Variants in PRLR observed in about 807,000 individuals in gnomAD.
The protein encoded by PRLR is hPRL receptor.
A neutral mutation model predicts 40.2 loss-of-function variants in PRLR; 13 were observed. The ratio of observed to expected loss-of-function variants is 0.32; its 90% CI spans 0.21 to 0.51. The LOEUF (loss-of-function observed/expected upper bound fraction) is 0.51, where lower values mean the gene tolerates loss of function less well. Ranked by LOEUF, PRLR falls within the 20% of genes least tolerant of loss-of-function variation. PRLR has a pLI of 0.97. For missense variants in PRLR, 656 were observed against 747.3 expected (o/e 0.88, Z 1.42); for synonymous variants, 269 against 278.7 (o/e 0.97, Z 0.35).
chr5:35,195,038 A>T (rs1775700170), intron 1 of PRLR: 1 of 152,144 alleles, frequency 6.6e-6, no homozygotes, highest in African/African-American at 2.4e-5. Context: ...TTTCTGTTCA[A>T]TTTTTCTGTA....
At chr5:35,091,099 A>C (rs889811680) in intron 2 of PRLR, among the ~76,000 whole-genome samples, 4 of 152,100 alleles carry the variant, frequency 2.6e-5, no homozygotes, top group Non-Finnish European at 4.4e-5. Flanking sequence ...GGCGTGAGCC[A>C]CCGTGCCCGG....
At chr5:35,190,155 T>C (rs1418148665) in intron 1 of PRLR, among the ~76,000 whole-genome samples, 1 of 152,168 alleles carries the variant, frequency 6.6e-6, no homozygotes, top group Non-Finnish European at 1.5e-5. Context: ...TACTTTGTTA[T>C]GGCAGCCCCA....
intron 1 of PRLR, among the ~76,000 whole-genome samples, chr5:35,223,641 TA>T (rs1300111841): frequency 6.6e-6 from 1 of 152,244 alleles, no homozygotes; most frequent in Non-Finnish European, 1.5e-5. Context: ...TTGTCTTTCT[TA>T]ATATACCTTA....
exon 9 of PRLR, chr5:35,048,957 A>G (rs1768378536): frequency 2.1e-5 from 8 of 384,512 alleles, no homozygotes; most frequent in Middle Eastern, 9.0e-4. Context: ...AAGGGAGACA[A>G]CTGACTTGGC....
chr5:35,137,039 A>G (rs1773880204), intron 1 of PRLR, among the ~76,000 whole-genome samples: 1 of 152,190 alleles, frequency 6.6e-6, no homozygotes, highest in Admixed American at 6.5e-5. Context: ...AGAAAAAGTG[A>G]TGCTTCAATA....
intron 1 of PRLR, among the ~76,000 whole-genome samples, chr5:35,179,011 T>C (rs1775220040): frequency 6.6e-6 from 1 of 152,162 alleles, no homozygotes; most frequent in African/African-American, 2.4e-5. Context: ...TTCCTTAACA[T>C]AAATTCTTTT....
At chr5:35,161,920 G>A (rs1309208494) in intron 1 of PRLR, among the ~76,000 whole-genome samples, 1 of 152,164 alleles carries the variant, frequency 6.6e-6, no homozygotes, top group African/African-American at 2.4e-5. Context: ...TTTTCCAAAA[G>A]TCTTGTGAGA....
At chr5:35,104,764 G>A (rs954495871) in intron 2 of PRLR, among the ~76,000 whole-genome samples, 4 of 151,966 alleles carry the variant, frequency 2.6e-5, no homozygotes, top group Non-Finnish European at 5.9e-5. Flanking sequence ...AAGGACGCCT[G>A]CCTGTCTCTG....
intron 6 of PRLR, among the ~76,000 whole-genome samples, chr5:35,070,707 G>A (rs1769692718): frequency 6.6e-6 from 1 of 151,906 alleles, no homozygotes; most frequent in Non-Finnish European, 1.5e-5. Context: ...GCCAGGCATG[G>A]TGGCACATGC....
At chr5:35,137,793 G>A (rs2111808005) in intron 1 of PRLR, among the ~76,000 whole-genome samples, 1 of 152,264 alleles carries the variant, frequency 6.6e-6, no homozygotes, top group Non-Finnish European at 1.5e-5. Context: ...ATATTAACGT[G>A]TTAAAATATT....
intron 1 of PRLR, among the ~76,000 whole-genome samples, chr5:35,206,293 G>A (rs1257848136): frequency 1.3e-5 from 2 of 151,984 alleles, no homozygotes; most frequent in East Asian, 1.9e-4. Flanking sequence ...AAGGATAAAT[G>A]GGATAAAAGG....
intron 1 of PRLR, among the ~76,000 whole-genome samples, chr5:35,193,917 G>T (rs1291832903): frequency 6.6e-6 from 1 of 152,194 alleles, no homozygotes; most frequent in Non-Finnish European, 1.5e-5. Context: ...AAACTGGCAT[G>T]TTAGATTGGC....
At chr5:35,050,410 G>A (rs1561243780) in intron 8 of PRLR, among the ~76,000 whole-genome samples, 2 of 152,148 alleles carry the variant, frequency 1.3e-5, no homozygotes, top group South Asian at 4.1e-4. Context: ...TGACTTATAA[G>A]TGACACCTGC....
intron 2 of PRLR, among the ~76,000 whole-genome samples, chr5:35,093,188 G>A (rs1771327797): frequency 1.3e-5 from 2 of 152,230 alleles, no homozygotes; most frequent in Middle Eastern, 3.4e-3. Flanking sequence ...GAAAATCGGG[G>A]CCACACTCCC....
chr5:35,185,078 C>A (rs554807351), intron 1 of PRLR, among the ~76,000 whole-genome samples: 1 of 152,384 alleles, frequency 6.6e-6, no homozygotes, highest in South Asian at 2.1e-4. Flanking sequence ...CATCCTTTAG[C>A]TTTCAGCTCT....
intron 1 of PRLR, among the ~76,000 whole-genome samples, chr5:35,169,423 T>C (rs1345309249): frequency 6.6e-6 from 1 of 152,194 alleles, no homozygotes; most frequent in Admixed American, 6.5e-5. Flanking sequence ...TTTCTGAGAA[T>C]GGCCCAGGAA....
At chr5:35,111,737 G>A (rs1561309142) in intron 2 of PRLR, among the ~76,000 whole-genome samples, 1 of 152,028 alleles carries the variant, frequency 6.6e-6, no homozygotes, top group Non-Finnish European at 1.5e-5. Context: ...ATAGAAACAT[G>A]GAAAAAGTAA....
At chr5:35,168,956 A>G (rs1374433394) in intron 1 of PRLR, among the ~76,000 whole-genome samples, 1 of 152,170 alleles carries the variant, frequency 6.6e-6, no homozygotes, top group Non-Finnish European at 1.5e-5. Flanking sequence ...CCACACCTCA[A>G]ACCTGGAAAG....
intron 1 of PRLR, among the ~76,000 whole-genome samples, chr5:35,180,109 A>G (rs1775255144): frequency 6.6e-6 from 1 of 152,166 alleles, no homozygotes; most frequent in Non-Finnish European, 1.5e-5. Context: ...GATCCCTCAC[A>G]TGTGCAGTTC....
Sources: allele counts gnomAD v4.1 joint callset (sites outside exome capture counted in the v4.1 genomes callset), GRCh38; gene constraint gnomAD v4.1.1; transcripts MANE v1.5; gene names NCBI Gene and HGNC (gene_info 2026-07-23, HGNC 2026-07-21).